The following UBR1 variants were observed in gnomAD, a reference collection of about 807,000 sequenced individuals.
UBR1 encodes E3 ubiquitin-protein ligase UBR1.
In UBR1, 102 loss-of-function variants were observed where a neutral mutation model predicts 242.1. The observed-to-expected ratio is 0.42, with a 90% CI of 0.36 to 0.50. UBR1 has a LOEUF of 0.50. UBR1 is among the 20% of genes least tolerant of loss of function. The probability of loss-of-function intolerance (pLI) is 0.01; values close to 1 mark genes in which losing one functional copy is unlikely to be tolerated. For missense variants in UBR1, 1,772 were observed against 2,101.8 expected (o/e 0.84, Z 3.07); for synonymous variants, 675 against 684.8 (o/e 0.99, Z 0.22).
chr15:43,010,820 A>T (rs1465114936), intron 29 of UBR1, among the ~76,000 whole-genome samples: 1 of 138,320 alleles, frequency 7.2e-6, no homozygotes, highest in Non-Finnish European at 1.6e-5. Flanking sequence ...TAAAAATACA[A>T]AAAAAAAAAA....
At chr15:42,965,270 G>A (rs1457248367) in intron 41 of UBR1, among the ~76,000 whole-genome samples, 1 of 152,098 alleles carries the variant, frequency 6.6e-6, no homozygotes, top group African/African-American at 2.4e-5. Flanking sequence ...CAGCAATTTT[G>A]ATGACTCTTC....
In UBR1 at chr15:42,945,230, C is replaced by T; in HGVS notation, c.*99G>A. 1 of 1,531,756 alleles carries T rather than the reference C, an allele frequency of 6.5e-7. No individual in the cohort carries two copies. The highest frequency in any genetic ancestry group is 9.0e-7 in the Non-Finnish European group (1 of 1,112,936). The allele number at this position is 1,531,756 out of a possible 1,614,324, so 94.9% of individuals were successfully genotyped here. ...GTGAACCTGGACATGGAGCAAAAGA[C>T]CCTCCAATACTTTCCCAGCCCTCAG... On this transcript the variant is annotated 3_prime_UTR_variant, in exon 47 of 47. Transcript: ENST00000290650.
chr15:43,036,840 G>T (rs1016791887), intron 17 of UBR1, among the ~76,000 whole-genome samples: 4 of 151,482 alleles, frequency 2.6e-5, no homozygotes, highest in African/African-American at 7.3e-5. Flanking sequence ...TATAACAAGA[G>T]AATTTATTTT....
chr15:43,009,291 G>A (rs952156616), intron 29 of UBR1, among the ~76,000 whole-genome samples: 1 of 152,220 alleles, frequency 6.6e-6, no homozygotes, highest in African/African-American at 2.4e-5. Flanking sequence ...AGCGGAACCT[G>A]CTGGTGCATA....
At chr15:43,075,191 CTTAA>C (rs1567144498) in intron 3 of UBR1, 102 bp from the exon 4 acceptor site, 1 of 942,482 alleles carries the variant, frequency 1.1e-6, no homozygotes, top group South Asian at 1.3e-5. Context: ...ATACTCCAAC[CTTAA>C]TTGAGTTCAA....
chr15:42,976,917 T>C, intron 38 of UBR1, 50 bp from the exon 39 acceptor site: 1 of 1,585,136 alleles, frequency 6.3e-7, no homozygotes, highest in African/African-American at 1.4e-5. Flanking sequence ...AAGACTAACA[T>C]AAATTAATGT....
At chr15:42,953,451 C>T (rs2031866785) in intron 44 of UBR1, among the ~76,000 whole-genome samples, 1 of 152,206 alleles carries the variant, frequency 6.6e-6, no homozygotes, top group East Asian at 1.9e-4. Flanking sequence ...CCCAGTTTCT[C>T]AGACAGGATA....
chr15:43,056,287 T>C (rs1287410601), intron 11 of UBR1, 57 bp downstream of exon 11: 41 of 1,344,760 alleles, frequency 3.0e-5, no homozygotes, highest in Non-Finnish European at 4.1e-5. Context: ...AGTGGAATTC[T>C]TACAAAGCAA....
At chr15:43,062,611 G>A (rs1035968684) in intron 6 of UBR1, among the ~76,000 whole-genome samples, 2 of 152,118 alleles carry the variant, frequency 1.3e-5, no homozygotes, top group Non-Finnish European at 2.9e-5. Context: ...CATTAAAAAT[G>A]TTATTGATTG....
At chr15:43,100,884 G>A in intron 1 of UBR1, among the ~76,000 whole-genome samples, 1 of 152,188 alleles carries the variant, frequency 6.6e-6, no homozygotes, top group East Asian at 1.9e-4. Flanking sequence ...TCCCTTCATG[G>A]AACTTACCTC....
chr15:42,955,794 T>C (rs767106741), intron 44 of UBR1, among the ~76,000 whole-genome samples: 3 of 152,234 alleles, frequency 2.0e-5, no homozygotes, highest in Non-Finnish European at 4.4e-5. Context: ...CAACATATTA[T>C]AGCAAGGTAA....
intron 2 of UBR1, 127 bp downstream of exon 2, chr15:43,085,857 A>G: frequency 9.9e-7 from 1 of 1,012,686 alleles, no homozygotes; most frequent in Non-Finnish European, 1.4e-6. Context: ...CAGAGGTTGC[A>G]GTGACGTGAC....
intron 37 of UBR1, among the ~76,000 whole-genome samples, chr15:42,982,045 G>C (rs2032387048): frequency 6.6e-6 from 1 of 152,076 alleles, no homozygotes; most frequent in African/African-American, 2.4e-5. Flanking sequence ...CTCCTTCTTT[G>C]GTGCTTTTTT....
intron 4 of UBR1, among the ~76,000 whole-genome samples, chr15:43,074,117 C>G (rs1423992439): frequency 6.6e-6 from 1 of 152,190 alleles, no homozygotes; most frequent in Non-Finnish European, 1.5e-5. Context: ...GCACTCTATA[C>G]TATCTGATAA....
chr15:43,012,309 C>T (rs1334672676), intron 29 of UBR1, among the ~76,000 whole-genome samples: 1 of 151,668 alleles, frequency 6.6e-6, no homozygotes, highest in Admixed American at 6.6e-5. Context: ...TAGCAAGCTG[C>T]AGACAAAATG....
intron 44 of UBR1, among the ~76,000 whole-genome samples, chr15:42,955,692 C>A (rs2031907448): frequency 2.0e-5 from 3 of 152,056 alleles, no homozygotes; most frequent in Admixed American, 6.6e-5. Flanking sequence ...AAGTATTCAC[C>A]CCCCAATGGT....
At chr15:43,091,139 T>C (rs1157426221) in intron 1 of UBR1, among the ~76,000 whole-genome samples, 7 of 152,116 alleles carry the variant, frequency 4.6e-5, no homozygotes, top group African/African-American at 1.7e-4. Context: ...GGTTTTTCCA[T>C]GTTGGTGAGG....
At chr15:42,961,902 G>GC (rs1372127616) in intron 42 of UBR1, among the ~76,000 whole-genome samples, 1 of 150,280 alleles carries the variant, frequency 6.7e-6, no homozygotes, top group Non-Finnish European at 1.5e-5. Flanking sequence ...CTACAGATGT[G>GC]CGCCAACATG....
chr15:43,012,226 CAA>C (rs1454205296), intron 29 of UBR1, among the ~76,000 whole-genome samples: 14 of 82,382 alleles, frequency 1.7e-4, no homozygotes, highest in Non-Finnish European at 1.8e-4. Flanking sequence ...GATTCCGTCT[CAA>C]AAAAAAAAAA....
Sources: gnomAD v4.1 joint callset for allele counts (sites outside exome capture counted in the v4.1 genomes callset) on GRCh38, gnomAD v4.1.1 for gene constraint, MANE v1.5 for transcripts, NCBI Gene and HGNC (gene_info 2026-07-23, HGNC 2026-07-21) for gene names.